FITM2: variants seen among roughly 807,000 people sequenced by gnomAD.
FITM2 encodes the protein fat storage inducing transmembrane protein 2.
Under a neutral mutation model 23.3 loss-of-function variants are expected in FITM2, and 16 were observed. That is an observed-to-expected ratio of 0.69 (90% CI 0.47 to 1.05). The LOEUF is 1.05. FITM2 is among the 50% of genes least tolerant of loss of function. FITM2 has a pLI of 0.00. For missense variants in FITM2, 273 were observed against 327.5 expected (o/e 0.83, Z 1.29); for synonymous variants, 132 against 142.0 (o/e 0.93, Z 0.50).
intron 1 of FITM2, 119 bp downstream of exon 1, chr20:44,310,857 T>C: frequency 1.5e-6 from 2 of 1,351,252 alleles, no homozygotes; most frequent in South Asian, 3.0e-5. Flanking sequence ...CTGTCACGGC[T>C]AGGAGGAGGA....
chr20:44,306,588 T>G lies in FITM2; in HGVS notation c.*37A>C. 1 of 1,591,070 alleles carries G rather than the reference T, an allele frequency of 6.3e-7. No homozygotes were observed. The highest frequency in any genetic ancestry group is 8.6e-7 in the Non-Finnish European group (1 of 1,169,144). On this transcript the variant is annotated 3_prime_UTR_variant, in exon 2 of 2. Transcript: ENST00000396825. ...GCAAAATATATATTTGAAAAATAGA[T>G]TAGCCATTGTCCTTCTGTCCCCCCT...
At position 44,306,967 on chromosome 20, in the gene FITM2, G is replaced by A. The variant is rs200775082; in HGVS notation, c.447C>T (p.Gly149=). 5.0e-5 allele frequency: 81 copies of A among 1,614,228 alleles called. No individual in the cohort carries two copies. The highest frequency in any genetic ancestry group is 8.3e-5 in the Admixed American group (5 of 60,018). Residue 149 remains glycine (G), a synonymous_variant, in exon 2 of 2, where the codon GGC becomes GGT. Coordinates refer to ENST00000396825, the MANE Select transcript of FITM2 (RefSeq NM_001080472.4). ...GGAAGGAGTGACCTGAGATGTCAAA[G>A]CCATGCCAAAAGCCCCCTTCCTGGT... ...QCHQEGGFWH[G]FDISGHSFLL...
chr20:44,309,124 A>G (rs1174579969), intron 1 of FITM2, among the ~76,000 whole-genome samples: 2 of 152,030 alleles, frequency 1.3e-5, no homozygotes, highest in African/African-American at 4.8e-5. Flanking sequence ...CCTCCGGAGT[A>G]GCTGGGATTA....
At chr20:44,310,065 G>A (rs16988964) in intron 1 of FITM2, among the ~76,000 whole-genome samples, 1,532 of 152,296 alleles carry the variant, frequency 0.01, 34 homozygotes, top group African/African-American at 0.035. Flanking sequence ...TCTTGCCAGA[G>A]CCAAGACCCG....
chr20:44,306,638 C>A lies in FITM2; in HGVS notation c.776G>T (p.Ser259Ile). 6.2e-7 allele frequency: 1 copy of A among 1,613,196 alleles called. No individual in the cohort carries two copies. The highest frequency in any genetic ancestry group is 1.1e-5 in the South Asian group (1 of 90,990). ...TCTGTTACTCTTTTATTTCTTGTAA[C>A]TATCTTGCTTCAAATTCAAACTACA... ...QSCSLNLKQD[S>I]YKK The change falls in exon 2 of 2, where the codon AGT becomes ATT. Residue 259 changes from serine to isoleucine, a missense_variant. This residue lies in a region of FITM2 where 33 missense variants were observed against 26.3 expected (regional missense o/e 1.25). Coordinates refer to ENST00000396825, the MANE Select transcript of FITM2 (RefSeq NM_001080472.4).
rs890761989 is a variant in FITM2 at position 44,308,326 on chromosome 20, C to A, written c.174-1086G>T. ...GCATTTACCAAATGCCAGGAGCTTT[C>A]ACACACATTCACTTTCCCATAGAGC... On this transcript the variant is annotated intron_variant, in intron 1 of 1. Coordinates refer to ENST00000396825, the MANE Select transcript of FITM2 (RefSeq NM_001080472.4). Among the ~76,000 whole-genome samples, 4 of 152,130 alleles carry A rather than the reference C, an allele frequency of 2.6e-5. No homozygotes were observed. In the East Asian group the frequency reaches 5.8e-4, roughly 22 times the overall value.
chr20:44,305,016 C>T lies in FITM2; in HGVS notation c.*1609G>A, dbSNP rs1004941301. The T allele has an allele frequency of 1.3e-5, 2 of 152,192 alleles. No homozygotes were observed. The highest frequency in any genetic ancestry group is 2.9e-5 in the Non-Finnish European group (2 of 68,054). 9.4% of individuals were successfully genotyped at this position (152,192 alleles called of 1,614,324 possible). A position where few individuals can be genotyped will look rare whatever the true frequency, so the allele number is the denominator to read the frequency against. ...AGGATTATAGGTGTGAGCCACTACA[C>T]CTGGCCCAGGTTTCATTGCTAACAG... On this transcript the variant is annotated 3_prime_UTR_variant, in exon 2 of 2. Transcript: ENST00000396825.
rs140049914 is a variant in FITM2 at position 44,311,151 on chromosome 20, C to G, written c.-3G>C. On this transcript the variant is annotated 5_prime_UTR_variant, in exon 1 of 2. Transcript: ENST00000396825. ...TCGCAGCGCTCCAGATGCTCCATGC[C>G]GGATCTCGTCAGCCACCGTCCTCCT... 39 of 1,610,078 alleles carry G rather than the reference C, an allele frequency of 2.4e-5. No homozygotes were observed. The highest frequency in any genetic ancestry group is 1.6e-4 in the Middle Eastern group (1 of 6,068).
intron 1 of FITM2, among the ~76,000 whole-genome samples, chr20:44,310,331 T>G (rs770458065): frequency 4.6e-5 from 7 of 152,112 alleles, no homozygotes; most frequent in Non-Finnish European, 1.0e-4. Flanking sequence ...TAAGGAGATG[T>G]CTCAAAGCGC....
chr20:44,309,838 G>A (rs1193775929), intron 1 of FITM2, among the ~76,000 whole-genome samples: 2 of 152,200 alleles, frequency 1.3e-5, no homozygotes, highest in Admixed American at 6.5e-5. Flanking sequence ...TGCCTTGTCC[G>A]CCTCCCCAGC....
In FITM2 at chr20:44,305,782, A is replaced by G. The variant is rs1473686124; in HGVS notation, c.*843T>C. 3 of 151,918 alleles carry G rather than the reference A, an allele frequency of 2.0e-5. No homozygotes were observed. Among genetic ancestry groups the G allele is most frequent in the East Asian group, 2.0e-4 (1 of 5,096 alleles). 9.4% of individuals were successfully genotyped at this position (151,918 alleles called of 1,614,324 possible). A position where few individuals can be genotyped will look rare whatever the true frequency, so the allele number is the denominator to read the frequency against. The stretch of plus-strand genomic sequence containing the variant: ...GGTTGCGGTGAGCCGAGATCGGGCC[A>G]TTGCACCCCAGCCTGGGCAACAAGA... On this transcript the variant is annotated 3_prime_UTR_variant, in exon 2 of 2. Coordinates refer to ENST00000396825, the MANE Select transcript of FITM2 (RefSeq NM_001080472.4).
In FITM2 at chr20:44,307,072, G is replaced by A. The variant is rs556654904; in HGVS notation, c.342C>T (p.Ile114=). The A allele has an allele frequency of 1.6e-5, 26 of 1,614,190 alleles. No individual in the cohort carries two copies. The highest frequency in any genetic ancestry group is 4.0e-5 in the African/African-American group (3 of 75,058). The change falls in exon 2 of 2, where the codon ATC becomes ATT. Residue 114 remains isoleucine, a synonymous_variant. Coordinates refer to ENST00000396825, the MANE Select transcript of FITM2 (RefSeq NM_001080472.4). ...WYICTSIFSN[I]EHYTGSCYQS... ...GGTAGCAGCTGCCCGTGTAGTGTTC[G>A]ATGTTGGAGAAGATGGAGGTGCAGA... is the stretch of plus-strand genomic sequence containing the variant.
Position 44,311,116 on chromosome 20 carries a change from C to G in FITM2, c.33G>C (p.Leu11Phe). 6.2e-7 allele frequency: 1 copy of G among 1,612,988 alleles called. No homozygotes were observed. The highest frequency in any genetic ancestry group is 8.5e-7 in the Non-Finnish European group (1 of 1,179,580). Residue 11 changes from leucine to phenylalanine, a missense_variant, in exon 1 of 2, where the codon TTG becomes TTC. Transcript: ENST00000396825. MEHLERCEWLLRGTLVRAAVR... is the reference protein window; with the variant it reads MEHLERCEWLFRGTLVRAAVR... ...CGGCCGCCCGCACCAGCGTCCCCCG[C>G]AACAACCACTCGCAGCGCTCCAGAT...
chr20:44,311,139 G>A lies in FITM2; in HGVS notation c.10C>T (p.Leu4=). Residue 4 remains leucine, a synonymous_variant, in exon 1 of 2, where the codon CTG becomes TTG. Coordinates refer to ENST00000396825, the MANE Select transcript of FITM2 (RefSeq NM_001080472.4). ...CGCAACAACCACTCGCAGCGCTCCAGATGCTCCATGCCGGATCTCGTCAGC... is the reference window on the plus strand; with the variant it reads ...CGCAACAACCACTCGCAGCGCTCCAAATGCTCCATGCCGGATCTCGTCAGC... MEH[L]ERCEWLLRGT... 6.2e-7 allele frequency: 1 copy of A among 1,612,420 alleles called. No individual in the cohort carries two copies. Among genetic ancestry groups the A allele is most frequent in the Non-Finnish European group, 8.5e-7 (1 of 1,179,176 alleles).
rs1436753142 is a variant in FITM2 at position 44,307,177 on chromosome 20, G to A, written c.237C>T (p.Thr79=). 1 of 1,614,196 alleles carries A rather than the reference G, an allele frequency of 6.2e-7. No individual in the cohort carries two copies. Among genetic ancestry groups the A allele is most frequent in the Non-Finnish European group, 8.5e-7 (1 of 1,180,034 alleles). Reference sequence around the variant, plus strand: ...CAGCCTTGCCGGTCAGATGGTAGTTGGTGAGGGCAATGAAAGGCAGAAGGA... The same window carrying A: ...CAGCCTTGCCGGTCAGATGGTAGTTAGTGAGGGCAATGAAAGGCAGAAGGA... ...FCLLLPFIAL[T]NYHLTGKAGL... is the part of the protein sequence containing the mutation. Residue 79 remains threonine (T), a synonymous_variant, in exon 2 of 2, where the codon ACC becomes ACT. Transcript: ENST00000396825.
At chr20:44,309,368 T>TG (rs571802564) in intron 1 of FITM2, among the ~76,000 whole-genome samples, 18 of 152,000 alleles carry the variant, frequency 1.2e-4, no homozygotes, top group Non-Finnish European at 2.1e-4. Context: ...TTAGTAGAGA[T>TG]GGGGTTTCAC....
At chr20:44,308,676 C>A (rs1364156002) in intron 1 of FITM2, among the ~76,000 whole-genome samples, 1 of 152,014 alleles carries the variant, frequency 6.6e-6, no homozygotes, top group African/African-American at 2.4e-5. Flanking sequence ...GCTGGGATTA[C>A]AGGTGTGTAC....
In FITM2 at chr20:44,303,203, A is replaced by G. The variant is rs1030481789; in HGVS notation, c.*3422T>C. The G allele has an allele frequency of 2.0e-5, 3 of 152,164 alleles. No homozygotes were observed. Among genetic ancestry groups the G allele is most frequent in the African/African-American group, 7.2e-5 (3 of 41,450 alleles). The allele number at this position is 152,164 out of a possible 1,614,324, so 9.4% of individuals were successfully genotyped here. A position where few individuals can be genotyped will look rare whatever the true frequency, so the allele number is the denominator to read the frequency against. ...TACTCAAGAAAAAGGAGGCAGGGAG[A>G]CTATGGCCTGCTAAGCACAGATGCT... On this transcript the variant is annotated 3_prime_UTR_variant, in exon 2 of 2. Coordinates refer to ENST00000396825, the MANE Select transcript of FITM2 (RefSeq NM_001080472.4).
In FITM2 at chr20:44,311,043, A is replaced by G. The variant is rs1200666008; in HGVS notation, c.106T>C (p.Ser36Pro). 1 of 1,599,176 alleles carries G rather than the reference A, an allele frequency of 6.3e-7. No homozygotes were observed. Among genetic ancestry groups the G allele is most frequent in the Non-Finnish European group, 8.5e-7 (1 of 1,174,048 alleles). ...AACGGGGACAACTCCTTGAGGAGGGAGCCCGCCAGCATGGAGGCCACCAGG... is the reference window on the plus strand; with the variant it reads ...AACGGGGACAACTCCTTGAGGAGGGGGCCCGCCAGCATGGAGGCCACCAGG... ...WALVASMLAG[S>P]LLKELSPLPE... is the part of the protein sequence containing the mutation. Residue 36 changes from serine (S) to proline (P), a missense_variant, in exon 1 of 2, where the codon TCC becomes CCC. Ser to Pro is a moderately conservative substitution (Grantham distance 74, BLOSUM62 -1). Coordinates refer to ENST00000396825, the MANE Select transcript of FITM2 (RefSeq NM_001080472.4).
Sources: allele counts gnomAD v4.1 joint callset (sites outside exome capture counted in the v4.1 genomes callset), GRCh38; gene constraint gnomAD v4.1.1; regional missense constraint gnomAD v4.1.1; transcripts MANE v1.5; gene names NCBI Gene and HGNC (gene_info 2026-07-23, HGNC 2026-07-21).